Variants in HIBADH observed in about 807,000 individuals in gnomAD.
HIBADH encodes 3-hydroxyisobutyrate dehydrogenase, mitochondrial.
In HIBADH, 25 loss-of-function variants were observed where a neutral mutation model predicts 36.1. The observed-to-expected ratio is 0.69, with a 90% confidence interval of 0.50 to 0.97. HIBADH has a LOEUF of 0.97. HIBADH is among the 50% of genes least tolerant of loss of function. HIBADH has a pLI of 0.00. For missense variants in HIBADH, 421 were observed against 418.0 expected (o/e 1.01, Z -0.06); for synonymous variants, 160 against 149.5 (o/e 1.07, Z -0.51).
At chr7:27,556,555 T>A (rs910311130) in intron 4 of HIBADH, among the ~76,000 whole-genome samples, 5 of 152,214 alleles carry the variant, frequency 3.3e-5, no homozygotes, top group African/African-American at 4.8e-5. Context: ...ACACATTTTT[T>A]AAAACAATCA....
At chr7:27,626,654 T>C (rs1279364291) in intron 4 of HIBADH, among the ~76,000 whole-genome samples, 1 of 152,194 alleles carries the variant, frequency 6.6e-6, no homozygotes, top group Non-Finnish European at 1.5e-5. Context: ...AGAAACCAAT[T>C]GCTTCTCAAA....
chr7:27,656,564 T>C (rs528852551), intron 1 of HIBADH, among the ~76,000 whole-genome samples: 21 of 152,266 alleles, frequency 1.4e-4, no homozygotes, highest in African/African-American at 4.6e-4. Flanking sequence ...GGATACAGTA[T>C]AAGAGAAGAA....
At chr7:27,620,136 A>G (rs1785511461) in intron 4 of HIBADH, among the ~76,000 whole-genome samples, 2 of 152,084 alleles carry the variant, frequency 1.3e-5, no homozygotes, top group Admixed American at 6.6e-5. Flanking sequence ...CCTGGGCAAT[A>G]TACTGAGATT....
intron 4 of HIBADH, among the ~76,000 whole-genome samples, chr7:27,599,781 T>C (rs1004437319): frequency 2.6e-5 from 4 of 152,002 alleles, no homozygotes; most frequent in Non-Finnish European, 5.9e-5. Context: ...CATTCAGTTT[T>C]TTTTTAAGGG....
chr7:27,531,223 T>C lies in HIBADH; in HGVS notation c.821A>G (p.Gln274Arg), dbSNP rs1271411066. ...CATGAGTGTTGTTCCAAATCCACCC[T>C]GATAGTTATTAGCCGAGGGAACGCC... is the stretch of plus-strand genomic sequence containing the variant. ...MDGVPSANNY[Q>R]GGFGTTLMAK... Residue 274 changes from glutamine (Q) to arginine (R), a missense_variant, in exon 7 of 8, where the codon CAG (glutamine) becomes CGG (arginine). Coordinates refer to ENST00000265395, the MANE Select transcript of HIBADH (RefSeq NM_152740.4). The C allele has an allele frequency of 6.2e-6, 10 of 1,613,932 alleles. No homozygotes were observed. The highest frequency in any genetic ancestry group is 1.6e-4 in the Middle Eastern group (1 of 6,062).
At chr7:27,530,697 C>T (rs1222555770) in intron 7 of HIBADH, among the ~76,000 whole-genome samples, 1 of 151,832 alleles carries the variant, frequency 6.6e-6, no homozygotes, top group African/African-American at 2.4e-5. Context: ...TTTGCTTTTC[C>T]AATGACTTAA....
chr7:27,619,161 T>G (rs1003760094), intron 4 of HIBADH, among the ~76,000 whole-genome samples: 3 of 152,092 alleles, frequency 2.0e-5, no homozygotes, highest in African/African-American at 7.2e-5. Flanking sequence ...ACTAATAACT[T>G]CACCCTAACC....
chr7:27,624,512 C>T (rs1446859287), intron 4 of HIBADH, among the ~76,000 whole-genome samples: 1 of 152,198 alleles, frequency 6.6e-6, no homozygotes, highest in African/African-American at 2.4e-5. Context: ...ATATAACACC[C>T]ACCCCCAAAT....
At chr7:27,634,017 A>C (rs1275501947) in intron 2 of HIBADH, among the ~76,000 whole-genome samples, 1 of 152,232 alleles carries the variant, frequency 6.6e-6, no homozygotes, top group Non-Finnish European at 1.5e-5. Flanking sequence ...TAAGAGCTAG[A>C]AGTAATTACA....
At chr7:27,555,495 T>C (rs187213869) in intron 4 of HIBADH, among the ~76,000 whole-genome samples, 1 of 150,690 alleles carries the variant, frequency 6.6e-6, no homozygotes, top group Non-Finnish European at 1.5e-5. Context: ...ATTTCAACTA[T>C]CTATCAGCTA....
chr7:27,530,550 C>A (rs962979585), intron 7 of HIBADH, among the ~76,000 whole-genome samples: 80 of 150,160 alleles, frequency 5.3e-4, no homozygotes, highest in African/African-American at 9.9e-4. Flanking sequence ...AACAAACAAA[C>A]AAACAAAAAC....
At chr7:27,592,574 A>C (rs1472266949) in intron 4 of HIBADH, among the ~76,000 whole-genome samples, 2 of 152,178 alleles carry the variant, frequency 1.3e-5, no homozygotes, top group African/African-American at 4.8e-5. Context: ...TTATAGGCTG[A>C]CTTCTTGTAA....
intron 4 of HIBADH, among the ~76,000 whole-genome samples, chr7:27,585,755 C>T (rs997407218): frequency 1.3e-5 from 2 of 152,058 alleles, no homozygotes; most frequent in Admixed American, 6.5e-5. Flanking sequence ...GAGTTTGGGG[C>T]TTGTAACATT....
At chr7:27,620,835 C>T (rs1785529303) in intron 4 of HIBADH, among the ~76,000 whole-genome samples, 1 of 151,900 alleles carries the variant, frequency 6.6e-6, no homozygotes, top group Non-Finnish European at 1.5e-5. Flanking sequence ...ATAACACCAT[C>T]AGAAAATAAT....
At chr7:27,643,443 A>G (rs1205212827) in intron 2 of HIBADH, among the ~76,000 whole-genome samples, 1 of 152,248 alleles carries the variant, frequency 6.6e-6, no homozygotes, top group Non-Finnish European at 1.5e-5. Context: ...GCCAAATGCT[A>G]CTTTAAGCTC....
At chr7:27,658,360 G>C (rs1786345458) in intron 1 of HIBADH, among the ~76,000 whole-genome samples, 1 of 152,166 alleles carries the variant, frequency 6.6e-6, no homozygotes, top group South Asian at 2.1e-4. Flanking sequence ...TAAGAAACTA[G>C]CATTAGTGTC....
intron 4 of HIBADH, among the ~76,000 whole-genome samples, 200 bp from the exon 5 acceptor site, chr7:27,543,300 A>G (rs1206367028): frequency 6.6e-6 from 1 of 152,184 alleles, no homozygotes; most frequent in Non-Finnish European, 1.5e-5. Context: ...AAACCAAGAG[A>G]GACATACAGA....
At chr7:27,608,797 G>C (rs1785275736) in intron 4 of HIBADH, among the ~76,000 whole-genome samples, 1 of 152,204 alleles carries the variant, frequency 6.6e-6, no homozygotes, top group Non-Finnish European at 1.5e-5. Flanking sequence ...GTCCTAAACT[G>C]TGACCAGACC....
At chr7:27,655,116 CAT>C (rs994680217) in intron 1 of HIBADH, among the ~76,000 whole-genome samples, 4 of 151,932 alleles carry the variant, frequency 2.6e-5, no homozygotes, top group African/African-American at 9.7e-5. Context: ...AAGTCAGTAT[CAT>C]ATATATAGAA....
Sources: gnomAD v4.1 joint callset for allele counts (sites outside exome capture counted in the v4.1 genomes callset) on GRCh38, gnomAD v4.1.1 for gene constraint, MANE v1.5 for transcripts, NCBI Gene and HGNC (gene_info 2026-07-23, HGNC 2026-07-21) for gene names.